NOL8: variants seen among roughly 807,000 people sequenced by gnomAD.
NOL8 encodes nucleolar protein Nop132.
NOL8 carries 93 observed loss-of-function variants against 116.1 expected under a neutral mutation model. The observed-to-expected ratio is 0.80, with a 90% CI of 0.68 to 0.95. The LOEUF is 0.95. Among genes scored for constraint, NOL8 ranks in the 40% least tolerant of loss-of-function variants. The probability of loss-of-function intolerance (pLI) is 0.00; values close to 1 mark genes in which losing one functional copy is unlikely to be tolerated. For missense variants in NOL8, 1,291 were observed against 1,382.8 expected, an observed-to-expected ratio of 0.93 and a Z score of 1.05; for synonymous variants, 419 against 469.0, an observed-to-expected ratio of 0.89 and a Z score of 1.38.
chr9:92,307,137 G>A lies in NOL8; in HGVS notation c.2687-113C>T, dbSNP rs1838342020. On this transcript the variant is annotated intron_variant, in intron 10 of 16. Coordinates refer to ENST00000442668, the MANE Select transcript of NOL8 (RefSeq NM_017948.6). ...TGTTCAAAATCCATTAAGACAGGAAGAAGAAACTTTAACCTCATTTCACTA... is the reference window on the plus strand; with the variant it reads ...TGTTCAAAATCCATTAAGACAGGAAAAAGAAACTTTAACCTCATTTCACTA... 2.7e-6 allele frequency: 3 copies of A among 1,129,780 alleles called. No individual in the cohort carries two copies. The South Asian group carries it at 5.3e-5, about 20-fold the overall frequency. 70.0% of individuals were successfully genotyped at this position (1,129,780 alleles called of 1,614,324 possible). A position where few individuals can be genotyped will look rare whatever the true frequency, so the allele number is the denominator to read the frequency against.
Position 92,300,394 on chromosome 9 carries a change from C to T in NOL8, c.3176-378G>A, listed in dbSNP as rs377750089. On this transcript the variant is annotated intron_variant, in intron 13 of 16. Coordinates refer to ENST00000442668, the MANE Select transcript of NOL8 (RefSeq NM_017948.6). The stretch of plus-strand genomic sequence containing the variant: ...GGATACAGGGAAATCAGGTTTCCCT[C>T]TTGTCTATTTATAAATGAGAAAAGG... 87 of 988,744 alleles carry T rather than the reference C, an allele frequency of 8.8e-5. 1 individual carries two copies. In the East Asian group the frequency reaches 6.7e-3, roughly 76 times the overall value. The allele number at this position is 988,744 out of a possible 1,614,324, so 61.2% of individuals were successfully genotyped here. A position where few individuals can be genotyped will look rare whatever the true frequency, so the allele number is the denominator to read the frequency against.
chr9:92,307,141 A>C (rs1838342341), intron 10 of NOL8, 117 bp from the exon 11 acceptor site: 1 of 1,084,838 alleles, frequency 9.2e-7, no homozygotes, highest in Non-Finnish European at 1.3e-6. Context: ...CAGGAAGAAG[A>C]AACTTTAACC....
At chr9:92,320,039 C>T (rs1256979609) in intron 4 of NOL8, 1 of 455,764 alleles carries the variant, frequency 2.2e-6, no homozygotes, top group Admixed American at 2.4e-5. Flanking sequence ...AATTTATATA[C>T]GTTTGGCATT....
rs1282894993 is a variant in NOL8 at position 92,302,306 on chromosome 9, A to G, written c.2904-484T>C. ...TCTTTTGAAATGAAATTTTTATATT[A>G]CCATAAATCTGCTCTGTATTTAGGA... On this transcript the variant is annotated intron_variant, in intron 12 of 16. Coordinates refer to ENST00000442668, the MANE Select transcript of NOL8 (RefSeq NM_017948.6). Among the ~76,000 whole-genome samples, 3 of 152,222 alleles carry G rather than the reference A, an allele frequency of 2.0e-5. No homozygotes were observed. The East Asian group carries it at 5.8e-4, about 29-fold the overall frequency.
At chr9:92,319,052 C>T in intron 5 of NOL8, 169 bp downstream of exon 5, 1 of 627,992 alleles carries the variant, frequency 1.6e-6, no homozygotes, top group Non-Finnish European at 2.5e-6. Flanking sequence ...ACTATGCTTA[C>T]CTAAGAGTTG....
At chr9:92,321,832 A>G (rs1839954028) in intron 3 of NOL8, 86 bp from the exon 4 acceptor site, 1 of 695,606 alleles carries the variant, frequency 1.4e-6, no homozygotes, top group East Asian at 3.0e-5. Context: ...AGTATCAAGA[A>G]AAGCAGGCTT....
intron 4 of NOL8, among the ~76,000 whole-genome samples, chr9:92,319,648 A>G (rs1026790967): frequency 2.0e-5 from 3 of 152,210 alleles, no homozygotes; most frequent in African/African-American, 7.2e-5. Flanking sequence ...TTCTGTATGT[A>G]AATATACATA....
At chr9:92,314,185 T>C in intron 7 of NOL8, 82 bp downstream of exon 7, 1 of 1,470,854 alleles carries the variant, frequency 6.8e-7, no homozygotes, top group Non-Finnish European at 9.0e-7. Context: ...ATCAGCTCTA[T>C]GGGGGCACAC....
intron 7 of NOL8, among the ~76,000 whole-genome samples, chr9:92,313,353 A>G (rs534480656): frequency 1.3e-5 from 2 of 152,308 alleles, no homozygotes; most frequent in East Asian, 1.9e-4. Context: ...TTTTTCTGTA[A>G]AAGGCCAGAG....
Position 92,301,725 on chromosome 9 carries a change from A to G in NOL8, c.3001T>C (p.Phe1001Leu), listed in dbSNP as rs1280849779. Residue 1001 changes from phenylalanine (F) to leucine (L), a missense_variant, in exon 13 of 17, where the codon TTC (phenylalanine) becomes CTC (leucine). Coordinates refer to ENST00000442668, the MANE Select transcript of NOL8 (RefSeq NM_017948.6). The part of the protein sequence containing the change: ...YNIAMDLKEI[F>L]QTTKYTSEKE... ...TCACTGGTATATTTTGTAGTTTGGAATATTTCTTTCAGATCCATAGCAATA... is the reference window on the plus strand; with the variant it reads ...TCACTGGTATATTTTGTAGTTTGGAGTATTTCTTTCAGATCCATAGCAATA... The G allele has an allele frequency of 6.2e-7, 1 of 1,608,242 alleles. No homozygotes were observed. Among genetic ancestry groups the G allele is most frequent in the African/African-American group, 1.3e-5 (1 of 74,490 alleles).
At position 92,314,596 on chromosome 9, in the gene NOL8, C is replaced by T. The variant is rs755156349; in HGVS notation, c.2029G>A (p.Glu677Lys). The T allele has an allele frequency of 3.2e-5, 52 of 1,612,622 alleles. No homozygotes were observed. In the East Asian group the frequency reaches 4.2e-4, roughly 13 times the overall value. Residue 677 changes from glutamate to lysine, a missense_variant, in exon 7 of 17, where the codon GAA becomes AAA. Coordinates refer to ENST00000442668, the MANE Select transcript of NOL8 (RefSeq NM_017948.6). ...RSKNPISRPL[E>K]GKKSLSLSAK... ...CTAAGACTTAAGGACTTCTTACCTT[C>T]TAATGGCCTAGAAATAGGATTCTTA...
chr9:92,302,847 T>C (rs1448637426), intron 12 of NOL8, among the ~76,000 whole-genome samples: 4 of 152,128 alleles, frequency 2.6e-5, no homozygotes, highest in African/African-American at 9.7e-5. Flanking sequence ...AAACTGTTAG[T>C]AGAAACCATA....
chr9:92,311,721 G>T (rs1356080342), intron 7 of NOL8, among the ~76,000 whole-genome samples: 1 of 152,210 alleles, frequency 6.6e-6, no homozygotes, highest in African/African-American at 2.4e-5. Flanking sequence ...CAAGGTTGCA[G>T]AGAAAGGGAA....
intron 13 of NOL8, 157 bp from the exon 14 acceptor site, chr9:92,300,173 ATCT>A (rs1837615022): frequency 1.5e-6 from 2 of 1,305,724 alleles, no homozygotes; most frequent in Non-Finnish European, 9.8e-7. Context: ...AGGTAGTATC[ATCT>A]TTTTAGATTT....
At position 92,314,321 on chromosome 9, in the gene NOL8, C is replaced by G; in HGVS notation, c.2304G>C (p.Arg768Ser). 1 of 1,601,610 alleles carries G rather than the reference C, an allele frequency of 6.2e-7. No homozygotes were observed. The highest frequency in any genetic ancestry group is 1.1e-5 in the South Asian group (1 of 90,046). The change falls in exon 7 of 17, where the codon AGG becomes AGC. Residue 768 changes from arginine to serine, a missense_variant. Transcript: ENST00000442668. ...TCTTCTGCACTTCTTTTGCTTTTTG[C>G]CTCGCTTCCAAGGCTGCCAAACGCT... The part of the protein sequence containing the change: ...NEKRLAALEA[R>S]QKAKEVQKKL...
In NOL8 at chr9:92,314,768, A is replaced by G. The variant is rs371067815; in HGVS notation, c.1857T>C (p.Tyr619=). The part of the protein sequence containing the change: ...SIISMEDGSP[Y]VNGSLGEVTP... ...TCACTTCACCTAATGAGCCATTAAC[A>G]TATGGGGACCCATCTTCCATGGATA... Residue 619 remains tyrosine (Y), a synonymous_variant, in exon 7 of 17, where the codon TAT becomes TAC. Coordinates refer to ENST00000442668, the MANE Select transcript of NOL8 (RefSeq NM_017948.6). The G allele has an allele frequency of 6.2e-7, 1 of 1,613,868 alleles. No homozygotes were observed. Among genetic ancestry groups the G allele is most frequent in the Non-Finnish European group, 8.5e-7 (1 of 1,179,852 alleles).
chr9:92,324,267 C>T (rs1840235805), intron 1 of NOL8, 58 bp from the exon 2 acceptor site: 3 of 1,250,976 alleles, frequency 2.4e-6, no homozygotes, highest in African/African-American at 3.0e-5. Context: ...AAAACAACTA[C>T]TTCCTCTGAA....
intron 8 of NOL8, 86 bp downstream of exon 8, chr9:92,311,060 G>A (rs1325387537): frequency 7.6e-6 from 8 of 1,059,262 alleles, no homozygotes; most frequent in Non-Finnish European, 8.5e-6. Flanking sequence ...GCTCTCAGGA[G>A]GGTTTTATGT....
At chr9:92,325,002 C>G (rs765886054) in intron 1 of NOL8, 1 of 152,184 alleles carries the variant, frequency 6.6e-6, no homozygotes, top group Non-Finnish European at 1.5e-5. Context: ...ACAGGGGACT[C>G]AGGAAAACTT....
Sources: allele counts gnomAD v4.1 joint callset (sites outside exome capture counted in the v4.1 genomes callset), GRCh38; gene constraint gnomAD v4.1.1; transcripts MANE v1.5; gene names NCBI Gene and HGNC (gene_info 2026-07-23, HGNC 2026-07-21).